The following SBF2 variants were observed in gnomAD, a reference collection of about 807,000 sequenced individuals.
The protein encoded by SBF2 is myotubularin-related protein 13.
Under a neutral mutation model 225.2 loss-of-function variants are expected in SBF2, and 112 were observed. The ratio of observed to expected loss-of-function variants is 0.50; its 90% confidence interval spans 0.43 to 0.58. The LOEUF is 0.58. Among genes scored for constraint, SBF2 ranks in the 20% least tolerant of loss-of-function variants. SBF2 has a pLI of 0.00. For synonymous variants in SBF2, 763 were observed against 773.3 expected, an observed-to-expected ratio of 0.99 and a Z score of 0.22; for missense variants, 1,996 against 2,206.2, an observed-to-expected ratio of 0.90 and a Z score of 1.91.
intron 17 of SBF2, among the ~76,000 whole-genome samples, chr11:9,883,702 T>C (rs1047462464): frequency 6.6e-6 from 1 of 152,198 alleles, no homozygotes; most frequent in Non-Finnish European, 1.5e-5. Context: ...AGGTTCCTCA[T>C]TTAGACTACC....
intron 2 of SBF2, among the ~76,000 whole-genome samples, chr11:10,097,601 C>A (rs779302745): frequency 1.3e-5 from 2 of 152,126 alleles, no homozygotes; most frequent in East Asian, 3.8e-4. Context: ...TTTCAGCCAT[C>A]GTCTTCCTGC....
At chr11:10,227,743 C>G (rs1013396631) in intron 1 of SBF2, among the ~76,000 whole-genome samples, 23 of 152,128 alleles carry the variant, frequency 1.5e-4, no homozygotes, top group African/African-American at 3.6e-4. Context: ...ATAGTCTGAA[C>G]TCAGGTAGTG....
intron 30 of SBF2, among the ~76,000 whole-genome samples, chr11:9,811,555 A>G (rs1178859839): frequency 6.6e-6 from 1 of 152,126 alleles, no homozygotes; most frequent in Non-Finnish European, 1.5e-5. Flanking sequence ...GACAGAAGGG[A>G]GTATCGACCA....
intron 1 of SBF2, among the ~76,000 whole-genome samples, chr11:10,276,741 T>G (rs1454903324): frequency 6.6e-6 from 1 of 152,150 alleles, no homozygotes; most frequent in African/African-American, 2.4e-5. Flanking sequence ...CACACTCAAT[T>G]TTTTTAAATG....
intron 1 of SBF2, among the ~76,000 whole-genome samples, chr11:10,249,688 T>C (rs1224836539): frequency 6.6e-6 from 1 of 151,676 alleles, no homozygotes; most frequent in Admixed American, 6.6e-5. Flanking sequence ...TTCTGACTTC[T>C]AACTTTGGAA....
At chr11:10,215,746 C>T (rs1302527179) in intron 1 of SBF2, among the ~76,000 whole-genome samples, 1 of 152,228 alleles carries the variant, frequency 6.6e-6, no homozygotes, top group Non-Finnish European at 1.5e-5. Flanking sequence ...TAACTGCTCT[C>T]CCTGACTTTA....
chr11:9,914,361 C>G (rs139135702), intron 16 of SBF2, among the ~76,000 whole-genome samples: 35 of 152,302 alleles, frequency 2.3e-4, no homozygotes, highest in Non-Finnish European at 4.0e-4. Flanking sequence ...AGGAAAGAAT[C>G]TCTGAGAGCC....
chr11:10,006,969 G>A (rs529198398), intron 6 of SBF2, among the ~76,000 whole-genome samples: 28 of 152,310 alleles, frequency 1.8e-4, no homozygotes, highest in African/African-American at 5.5e-4. Flanking sequence ...ATATAGGATG[G>A]CCCAAGGCCG....
intron 2 of SBF2, among the ~76,000 whole-genome samples, chr11:10,155,935 G>T (rs552355351): frequency 6.6e-6 from 1 of 152,234 alleles, no homozygotes; most frequent in Non-Finnish European, 1.5e-5. Flanking sequence ...AGTCAGGGAC[G>T]TGTGGCTGGG....
chr11:9,882,554 A>T (rs911083851), intron 17 of SBF2, among the ~76,000 whole-genome samples: 5 of 152,122 alleles, frequency 3.3e-5, no homozygotes, highest in Admixed American at 2.0e-4. Flanking sequence ...CATGTCTGTA[A>T]TCCCAGCACT....
At chr11:9,907,255 T>G (rs375944099) in intron 16 of SBF2, among the ~76,000 whole-genome samples, 1 of 152,296 alleles carries the variant, frequency 6.6e-6, no homozygotes, top group African/African-American at 2.4e-5. Context: ...TATTAGCCCT[T>G]CTCGGTACGG....
At chr11:9,800,365 T>C (rs879716974) in intron 32 of SBF2, among the ~76,000 whole-genome samples, 32 of 152,300 alleles carry the variant, frequency 2.1e-4, no homozygotes, top group Admixed American at 1.8e-3. Context: ...TCTTTTCATT[T>C]GCTTAACAGG....
chr11:10,233,448 A>G (rs1958936589), intron 1 of SBF2, among the ~76,000 whole-genome samples: 1 of 151,984 alleles, frequency 6.6e-6, no homozygotes, highest in African/African-American at 2.4e-5. Context: ...TGAATAATCC[A>G]TATTTCATAA....
At chr11:10,150,975 C>T (rs1955152703) in intron 2 of SBF2, among the ~76,000 whole-genome samples, 1 of 152,130 alleles carries the variant, frequency 6.6e-6, no homozygotes, top group South Asian at 2.1e-4. Context: ...CTGGAATTGG[C>T]ATGAAATCAT....
intron 16 of SBF2, chr11:9,961,505 C>T (rs1475797615): frequency 6.5e-6 from 1 of 153,878 alleles, no homozygotes; most frequent in Non-Finnish European, 1.4e-5. Context: ...CATTTTGAAG[C>T]CAAGTGGAAA....
chr11:10,042,913 C>T lies in SBF2; in HGVS notation c.210G>A (p.Leu70=), dbSNP rs762427305. ...AATGTCGATCTGAGTCAATGTCTGT[C>T]AGGACAACCACAAAGAACGTTGGCT... ...RKQPTFFVVV[L]TDIDSDRHYC... Residue 70 remains leucine, a synonymous_variant, in exon 3 of 40, where the codon CTG becomes CTA. Transcript: ENST00000256190. 6.2e-7 allele frequency: 1 copy of T among 1,613,962 alleles called. No homozygotes were observed. The highest frequency in any genetic ancestry group is 1.1e-5 in the South Asian group (1 of 91,082).
At chr11:10,301,919 A>G (rs1453601704) in intron 1 of SBF2, among the ~76,000 whole-genome samples, 1 of 152,238 alleles carries the variant, frequency 6.6e-6, no homozygotes, top group East Asian at 1.9e-4. Flanking sequence ...TTGGAGGTTT[A>G]TTTGTAATCT....
chr11:10,180,881 G>A (rs1956711067), intron 2 of SBF2, among the ~76,000 whole-genome samples: 1 of 151,992 alleles, frequency 6.6e-6, no homozygotes, highest in Admixed American at 6.6e-5. Context: ...ACTTGGTTTT[G>A]AATCCAATAG....
chr11:10,252,758 T>C (rs1472686600), intron 1 of SBF2, among the ~76,000 whole-genome samples: 5 of 151,122 alleles, frequency 3.3e-5, no homozygotes, highest in African/African-American at 9.7e-5. Flanking sequence ...TGCAGCGAGC[T>C]TGCAGCGAGC....
Sources: gnomAD v4.1 joint callset for allele counts (sites outside exome capture counted in the v4.1 genomes callset) on GRCh38, gnomAD v4.1.1 for gene constraint, MANE v1.5 for transcripts, NCBI Gene and HGNC (gene_info 2026-07-23, HGNC 2026-07-21) for gene names.